Variants in ARSB observed in about 807,000 individuals in gnomAD.
The protein encoded by ARSB is N-acetylgalactosamine-4-sulfatase.
In ARSB, 41 loss-of-function variants were observed where a neutral mutation model predicts 50.9. The ratio of observed to expected loss-of-function variants is 0.81; its 90% CI spans 0.63 to 1.04. The LOEUF is 1.04. Ranked by LOEUF, ARSB falls within the 50% of genes least tolerant of loss-of-function variation. ARSB has a pLI of 0.00. For missense variants in ARSB, 672 were observed against 693.3 expected, an observed-to-expected ratio of 0.97 and a Z score of 0.35; for synonymous variants, 269 against 284.8, an observed-to-expected ratio of 0.94 and a Z score of 0.56.
chr5:78,862,050 AC>A (rs1746464690), intron 5 of ARSB, among the ~76,000 whole-genome samples: 2 of 152,208 alleles, frequency 1.3e-5, no homozygotes, highest in South Asian at 4.1e-4. Context: ...TAGGAATCCA[AC>A]TTACAAGGGA....
At chr5:78,906,149 G>A (rs539370231) in intron 4 of ARSB, among the ~76,000 whole-genome samples, 115 of 148,142 alleles carry the variant, frequency 7.8e-4, no homozygotes, top group South Asian at 1.9e-3. Context: ...TGATCCAATC[G>A]CTAACCAAAC....
chr5:78,889,563 T>C (rs964704198), intron 4 of ARSB, among the ~76,000 whole-genome samples: 1 of 152,150 alleles, frequency 6.6e-6, no homozygotes, highest in African/African-American at 2.4e-5. Flanking sequence ...GCCTTTACTG[T>C]CTAGAAAAGA....
At chr5:78,947,391 A>T (rs1057130727) in intron 4 of ARSB, among the ~76,000 whole-genome samples, 2 of 152,202 alleles carry the variant, frequency 1.3e-5, no homozygotes, top group African/African-American at 4.8e-5. Context: ...TTGACAAGGG[A>T]CAAATAACCA....
chr5:78,919,897 G>A (rs992627577), intron 4 of ARSB, among the ~76,000 whole-genome samples: 3 of 152,170 alleles, frequency 2.0e-5, no homozygotes, highest in Admixed American at 6.5e-5. Flanking sequence ...AGAAGCCCAG[G>A]AATCAAGGGC....
chr5:78,964,665 T>C (rs754378323), intron 2 of ARSB, 59 bp from the exon 3 acceptor site: 13 of 1,517,332 alleles, frequency 8.6e-6, no homozygotes, highest in Admixed American at 3.4e-5. Context: ...AACAAACTAA[T>C]GTTTCAGCAT....
chr5:78,951,555 AC>A (rs1312061130), intron 4 of ARSB, among the ~76,000 whole-genome samples: 2 of 152,228 alleles, frequency 1.3e-5, no homozygotes, highest in African/African-American at 4.8e-5. Context: ...CAGGGATTCA[AC>A]ACAGTAATTA....
At chr5:78,955,263 C>T in intron 4 of ARSB, 32 bp downstream of exon 4, 1 of 1,607,256 alleles carries the variant, frequency 6.2e-7, no homozygotes, top group Non-Finnish European at 8.5e-7. Context: ...CTAGGCTTTG[C>T]CAAGAGATGA....
chr5:78,902,946 A>G (rs1453790806), intron 4 of ARSB, among the ~76,000 whole-genome samples: 1 of 152,240 alleles, frequency 6.6e-6, no homozygotes, highest in African/African-American at 2.4e-5. Flanking sequence ...TAAAAACAAT[A>G]CTGTATGAGG....
At chr5:78,815,485 G>C (rs1324372207) in intron 6 of ARSB, 1 of 945,168 alleles carries the variant, frequency 1.1e-6, no homozygotes, top group Non-Finnish European at 1.3e-6. Flanking sequence ...TGGAGGACAG[G>C]CTGTGCCCCT....
At chr5:78,787,089 ACCATCTATCTAT>A (rs1370584356) in intron 6 of ARSB, among the ~76,000 whole-genome samples, 4 of 107,424 alleles carry the variant, frequency 3.7e-5, no homozygotes, top group African/African-American at 1.3e-4. Flanking sequence ...AAAATCGATA[ACCATCTATCTAT>A]CTATCTATCT....
chr5:78,787,002 T>A (rs1749096677), intron 6 of ARSB, among the ~76,000 whole-genome samples: 2 of 152,166 alleles, frequency 1.3e-5, no homozygotes, highest in Admixed American at 6.5e-5. Flanking sequence ...GGTATCCTTG[T>A]CAAAACCCAA....
At chr5:78,954,306 T>C (rs1751616450) in intron 4 of ARSB, among the ~76,000 whole-genome samples, 1 of 152,100 alleles carries the variant, frequency 6.6e-6, no homozygotes. Flanking sequence ...TAAATGATGA[T>C]CTACACCCAA....
chr5:78,826,430 G>A (rs1385357340), intron 6 of ARSB, among the ~76,000 whole-genome samples: 1 of 152,076 alleles, frequency 6.6e-6, no homozygotes, highest in Non-Finnish European at 1.5e-5. Context: ...GTATAGAAAA[G>A]AACACAAAAG....
intron 5 of ARSB, among the ~76,000 whole-genome samples, chr5:78,840,873 C>T (rs977929146): frequency 1.3e-5 from 2 of 152,002 alleles, no homozygotes; most frequent in African/African-American, 2.4e-5. Flanking sequence ...ATCAACCAGT[C>T]CAAAATGCCA....
intron 5 of ARSB, among the ~76,000 whole-genome samples, chr5:78,877,019 G>C (rs540556229): frequency 1.4e-3 from 220 of 152,266 alleles, no homozygotes; most frequent in Admixed American, 3.9e-3. Flanking sequence ...TGGAAAAATT[G>C]TCTCTCACAA....
In ARSB at chr5:78,913,792, G is replaced by T. The variant is rs367951765; in HGVS notation, c.899-27965C>A. 7.9e-5 allele frequency among the ~76,000 whole-genome samples: 12 copies of T among 152,186 alleles called. No individual in the cohort carries two copies. The East Asian group carries it at 1.5e-3, about 20-fold the overall frequency. On this transcript the variant is annotated intron_variant, in intron 4 of 7. Coordinates refer to ENST00000264914, the MANE Select transcript of ARSB (RefSeq NM_000046.5). ...TGGGGGAAAAAAAATTTCTTTGCTA[G>T]CTGTAGTCACCTCAATAATGATTTC...
At chr5:78,861,547 C>T (rs531734843) in intron 5 of ARSB, among the ~76,000 whole-genome samples, 35 of 152,190 alleles carry the variant, frequency 2.3e-4, no homozygotes, top group Admixed American at 5.2e-4. Flanking sequence ...AAAAGGCCTT[C>T]GACAAAATTC....
intron 4 of ARSB, among the ~76,000 whole-genome samples, chr5:78,932,598 C>G (rs1044619310): frequency 1.3e-5 from 2 of 152,210 alleles, no homozygotes; most frequent in African/African-American, 4.8e-5. Flanking sequence ...GCTCTGAAAT[C>G]AGACAGGCCT....
intron 5 of ARSB, among the ~76,000 whole-genome samples, chr5:78,851,580 T>C (rs149071699): frequency 0.14 from 21,206 of 152,136 alleles, 1,545 homozygotes; most frequent in Middle Eastern, 0.2. Context: ...TTAGGTCCGC[T>C]TGGTGCAGAG....
Sources: allele counts gnomAD v4.1 joint callset (sites outside exome capture counted in the v4.1 genomes callset), GRCh38; gene constraint gnomAD v4.1.1; transcripts MANE v1.5; gene names NCBI Gene and HGNC (gene_info 2026-07-23, HGNC 2026-07-21).